Variants in VPS13B observed in about 807,000 individuals in gnomAD.
VPS13B encodes the protein intermembrane lipid transfer protein VPS13B.
Under a neutral mutation model 426.4 loss-of-function variants are expected in VPS13B, and 285 were observed. The ratio of observed to expected loss-of-function variants is 0.67; its 90% CI spans 0.61 to 0.74. The LOEUF (loss-of-function observed/expected upper bound fraction) is 0.74. Among genes scored for constraint, VPS13B ranks in the 30% least tolerant of loss-of-function variants. The probability of loss-of-function intolerance (pLI) is 0.00; values close to 1 mark genes in which losing one functional copy is unlikely to be tolerated. For missense variants in VPS13B, 4,537 were observed against 4,782.6 expected (o/e 0.95, Z 1.51); for synonymous variants, 1,676 against 1,676.4 (o/e 1.00, Z 0.01).
chr8:99,452,193 C>T (rs991555511), intron 23 of VPS13B, among the ~76,000 whole-genome samples: 2 of 152,158 alleles, frequency 1.3e-5, no homozygotes, highest in African/African-American at 2.4e-5. Flanking sequence ...ATAAGCACAG[C>T]GCTGTCCTAT....
intron 22 of VPS13B, among the ~76,000 whole-genome samples, chr8:99,434,160 TTTGA>T (rs1817258001): frequency 6.6e-6 from 1 of 152,112 alleles, no homozygotes. Context: ...GTAAAGGAGT[TTTGA>T]TTAAGATCAA....
At chr8:99,103,259 A>T (rs942826678) in intron 5 of VPS13B, 139 bp downstream of exon 5, 6 of 929,228 alleles carry the variant, frequency 6.5e-6, no homozygotes, top group Admixed American at 1.9e-5. Flanking sequence ...AAAAATGCAC[A>T]TATACAAAAT....
chr8:99,402,123 T>C (rs1815070099), intron 21 of VPS13B, among the ~76,000 whole-genome samples: 1 of 152,200 alleles, frequency 6.6e-6, no homozygotes, highest in Non-Finnish European at 1.5e-5. Flanking sequence ...TGGTGCAGAT[T>C]CACTGTGCAG....
intron 24 of VPS13B, among the ~76,000 whole-genome samples, chr8:99,473,443 A>G (rs1035057161): frequency 1.3e-5 from 2 of 152,138 alleles, no homozygotes; most frequent in Non-Finnish European, 2.9e-5. Flanking sequence ...AATTCAAGTG[A>G]GACATTTGAC....
chr8:99,689,264 C>T (rs1831545508), intron 35 of VPS13B, among the ~76,000 whole-genome samples: 1 of 152,224 alleles, frequency 6.6e-6, no homozygotes. Flanking sequence ...TTACCTCCTT[C>T]AGCATTCAGT....
At chr8:99,286,966 T>C (rs1436285058) in intron 19 of VPS13B, among the ~76,000 whole-genome samples, 3 of 152,242 alleles carry the variant, frequency 2.0e-5, no homozygotes, top group Non-Finnish European at 2.9e-5. Flanking sequence ...GAGTTTTACT[T>C]TTCAAATATT....
rs1309702539 is a variant in VPS13B at position 99,853,529 on chromosome 8, C to G, written c.10140C>G (p.His3380Gln). 1 of 1,614,182 alleles carries G rather than the reference C, an allele frequency of 6.2e-7. No individual in the cohort carries two copies. Among genetic ancestry groups the G allele is most frequent in the Non-Finnish European group, 8.5e-7 (1 of 1,180,040 alleles). The change falls in exon 56 of 62, where the codon CAC becomes CAG. Residue 3380 changes from histidine (H) to glutamine (Q), a missense_variant. Physicochemically the swap from His to Gln is conservative, Grantham distance 24. Around this residue, in one of 2 missense-constraint regions of VPS13B, gnomAD observed 4,311 missense variants for 4,474.3 expected, o/e 0.96. Coordinates refer to ENST00000357162, the MANE Select transcript of VPS13B (RefSeq NM_152564.5). ...SLAVFDDLTH[H>Q]KASAELLRLT... The stretch of plus-strand genomic sequence containing the variant: ...CAGTGTTTGATGACCTCACCCACCA[C>G]AAAGCATCAGCTGAGCTTCTGAGAC...
intron 35 of VPS13B, among the ~76,000 whole-genome samples, chr8:99,678,968 C>T (rs964653209): frequency 6.6e-6 from 1 of 152,130 alleles, no homozygotes; most frequent in African/African-American, 2.4e-5. Context: ...CTCAAGTTGT[C>T]TCACCATTGG....
intron 17 of VPS13B, among the ~76,000 whole-genome samples, chr8:99,260,678 C>A (rs1817993173): frequency 6.6e-6 from 1 of 151,850 alleles, no homozygotes; most frequent in African/African-American, 2.4e-5. Context: ...TCTTTGAAGT[C>A]CACATACAAT....
intron 36 of VPS13B, among the ~76,000 whole-genome samples, chr8:99,714,848 C>A (rs1285329948): frequency 6.6e-6 from 1 of 152,058 alleles, no homozygotes; most frequent in East Asian, 1.9e-4. Flanking sequence ...TATTAAGAAG[C>A]TTTGATGATT....
chr8:99,871,045 AG>A (rs1817382227), intron 60 of VPS13B, 158 bp downstream of exon 60: 1 of 760,460 alleles, frequency 1.3e-6, no homozygotes. Flanking sequence ...GTAGAGGGAC[AG>A]GAAGAGGCTG....
chr8:99,154,123 A>G (rs1017248102), intron 14 of VPS13B, among the ~76,000 whole-genome samples: 3 of 147,642 alleles, frequency 2.0e-5, no homozygotes, highest in African/African-American at 7.5e-5. Context: ...GATTTCTATG[A>G]TTTGAAAATG....
intron 34 of VPS13B, among the ~76,000 whole-genome samples, chr8:99,643,245 G>GGTA (rs1376964368): frequency 6.6e-6 from 1 of 151,936 alleles, no homozygotes; most frequent in Non-Finnish European, 1.5e-5. Context: ...AACTGGAGAG[G>GGTA]GTAGCTGGGT....
At chr8:99,723,920 A>G (rs773921559) in intron 39 of VPS13B, among the ~76,000 whole-genome samples, 1 of 152,198 alleles carries the variant, frequency 6.6e-6, no homozygotes, top group Non-Finnish European at 1.5e-5. Flanking sequence ...CTCAGAATCT[A>G]CAACTTGGAT....
intron 34 of VPS13B, among the ~76,000 whole-genome samples, chr8:99,657,989 T>C (rs1417098365): frequency 6.6e-6 from 1 of 152,220 alleles, no homozygotes; most frequent in Non-Finnish European, 1.5e-5. Flanking sequence ...TGCTAATCTA[T>C]GGAAGAAAAA....
intron 33 of VPS13B, among the ~76,000 whole-genome samples, chr8:99,586,582 C>G (rs567829296): frequency 6.6e-6 from 1 of 152,058 alleles, no homozygotes; most frequent in Non-Finnish European, 1.5e-5. Context: ...TCAGATTAAT[C>G]AAATGCATGT....
At chr8:99,536,545 G>A (rs1419081294) in intron 30 of VPS13B, 3 of 439,102 alleles carry the variant, frequency 6.8e-6, no homozygotes, top group African/African-American at 2.0e-5. Context: ...ACATATGTGT[G>A]TGGCATTTGT....
intron 3 of VPS13B, among the ~76,000 whole-genome samples, chr8:99,078,640 T>C (rs1391466562): frequency 6.6e-6 from 1 of 152,112 alleles, no homozygotes; most frequent in Non-Finnish European, 1.5e-5. Flanking sequence ...AAACTTTGGT[T>C]GTCCAGGCAG....
chr8:99,356,851 G>A (rs938713236), intron 19 of VPS13B, among the ~76,000 whole-genome samples: 10 of 152,028 alleles, frequency 6.6e-5, no homozygotes, highest in African/African-American at 2.4e-4. Context: ...AACCTTTTCT[G>A]TATTAGCTCT....
Sources: allele counts gnomAD v4.1 joint callset (sites outside exome capture counted in the v4.1 genomes callset), GRCh38; gene constraint gnomAD v4.1.1; regional missense constraint gnomAD v4.1.1; transcripts MANE v1.5; gene names NCBI Gene and HGNC (gene_info 2026-07-23, HGNC 2026-07-21).